The following IGFL2 variants were observed in gnomAD, a reference collection of about 807,000 sequenced individuals.
IGFL2 encodes IGF like family member 2.
In IGFL2, 7 loss-of-function variants were observed where a neutral mutation model predicts 13.9. That is an observed-to-expected ratio of 0.51 (90% CI 0.29 to 0.95). The LOEUF (loss-of-function observed/expected upper bound fraction) is 0.95, where lower values mean the gene tolerates loss of function less well. IGFL2 is among the 40% of genes least tolerant of loss of function. IGFL2 has a pLI of 0.08. For missense variants in IGFL2, 138 were observed against 147.8 expected, an observed-to-expected ratio of 0.93 and a Z score of 0.34; for synonymous variants, 55 against 55.8, an observed-to-expected ratio of 0.99 and a Z score of 0.07.
At chr19:46,176,738 C>T in the IGFL2 span, among the ~76,000 whole-genome samples, 710 of 152,292 alleles carry the variant, frequency 4.7e-3, 11 homozygotes, top group Admixed American at 0.029. Context: ...TCCCTGCCAC[C>T]CTGCAGCAGG....
chr19:46,121,908 C>A, the IGFL2 span, among the ~76,000 whole-genome samples: 1 of 150,788 alleles, frequency 6.6e-6, no homozygotes, highest in Non-Finnish European at 1.5e-5. Context: ...TTGCATATTT[C>A]TTTTTTAATG....
chr19:46,114,357 C>G, the IGFL2 span, among the ~76,000 whole-genome samples: 1 of 152,176 alleles, frequency 6.6e-6, no homozygotes, highest in African/African-American at 2.4e-5. Flanking sequence ...TACTCCTCTG[C>G]TGGTCTTTGA....
chr19:46,101,714 T>C, the IGFL2 span, among the ~76,000 whole-genome samples: 2 of 152,216 alleles, frequency 1.3e-5, no homozygotes, highest in African/African-American at 2.4e-5. Context: ...TGATGATGGC[T>C]GGCCCTCCTC....
chr19:46,102,383 C>T, the IGFL2 span, among the ~76,000 whole-genome samples: 6 of 152,152 alleles, frequency 3.9e-5, no homozygotes, highest in East Asian at 1.9e-4. Context: ...TTGCGGGCAG[C>T]GGGTGGATCT....
the IGFL2 span, among the ~76,000 whole-genome samples, chr19:46,118,495 T>C: frequency 2.0e-5 from 3 of 152,198 alleles, no homozygotes; most frequent in African/African-American, 7.2e-5. Context: ...CAGGCTTTTA[T>C]AATCTTGGCT....
At chr19:46,114,278 A>T in the IGFL2 span, among the ~76,000 whole-genome samples, 1 of 152,166 alleles carries the variant, frequency 6.6e-6, no homozygotes. Context: ...CAGCTTCCCC[A>T]TGCCAACAGC....
chr19:46,168,740 A>G, the IGFL2 span, among the ~76,000 whole-genome samples: 2 of 152,216 alleles, frequency 1.3e-5, no homozygotes, highest in East Asian at 1.9e-4. Context: ...ACTTGCATCC[A>G]TGATCCCAGG....
At chr19:46,136,882 T>G in the IGFL2 span, 1 of 770,730 alleles carries the variant, frequency 1.3e-6, no homozygotes, top group Non-Finnish European at 2.4e-6. Context: ...CTACTCTGTG[T>G]ATTGGTACTT....
chr19:46,177,484 A>C, the IGFL2 span, among the ~76,000 whole-genome samples: 9 of 152,306 alleles, frequency 5.9e-5, no homozygotes, highest in African/African-American at 2.2e-4. Context: ...ATATATATAT[A>C]CGCATTATAT....
upstream of IGFL2, among the ~76,000 whole-genome samples, chr19:46,142,784 C>T (rs971813136): frequency 1.3e-5 from 2 of 152,206 alleles, no homozygotes; most frequent in African/African-American, 4.8e-5. Context: ...ACTCTGCATC[C>T]TTTTGCGTGT....
At chr19:46,120,882 T>A in the IGFL2 span, among the ~76,000 whole-genome samples, 1 of 150,948 alleles carries the variant, frequency 6.6e-6, no homozygotes, top group African/African-American at 2.5e-5. Flanking sequence ...AGTTTAATTA[T>A]TCCACATTGA....
chr19:46,134,726 G>T, the IGFL2 span, among the ~76,000 whole-genome samples: 1 of 152,198 alleles, frequency 6.6e-6, no homozygotes, highest in South Asian at 2.1e-4. Flanking sequence ...AGGCAATAAG[G>T]TGAGTGATGG....
At chr19:46,203,665 C>A in the IGFL2 span, 1 of 152,414 alleles carries the variant, frequency 6.6e-6, no homozygotes. Flanking sequence ...TGGTGAGGCC[C>A]AGTCCTCTCC....
the IGFL2 span, among the ~76,000 whole-genome samples, chr19:46,102,484 G>A: frequency 1.3e-5 from 2 of 152,126 alleles, no homozygotes; most frequent in Non-Finnish European, 2.9e-5. Context: ...CTTAATGGTG[G>A]GGAGGGTGTA....
At chr19:46,099,010 AG>A in the IGFL2 span, among the ~76,000 whole-genome samples, 5 of 152,362 alleles carry the variant, frequency 3.3e-5, no homozygotes, top group South Asian at 1.0e-3. Flanking sequence ...CTTGCAAGGC[AG>A]GCCTGGTGGT....
chr19:46,162,807 G>C (rs568439193), downstream of IGFL2, among the ~76,000 whole-genome samples: 4 of 152,276 alleles, frequency 2.6e-5, no homozygotes, highest in East Asian at 7.7e-4. Context: ...ATTTCAGCTA[G>C]TTCAGCATGG....
At chr19:46,127,589 C>T in the IGFL2 span, among the ~76,000 whole-genome samples, 29 of 151,792 alleles carry the variant, frequency 1.9e-4, no homozygotes, top group Non-Finnish European at 3.2e-4. Context: ...TGTTCTTAAA[C>T]GGATGTATAG....
the IGFL2 span, among the ~76,000 whole-genome samples, chr19:46,098,620 A>G: frequency 4.6e-5 from 7 of 152,026 alleles, no homozygotes; most frequent in Admixed American, 3.3e-4. Context: ...CTGGGACTAC[A>G]GGTGCATGCC....
chr19:46,119,757 G>A, the IGFL2 span, among the ~76,000 whole-genome samples: 15 of 142,428 alleles, frequency 1.1e-4, no homozygotes, highest in Non-Finnish European at 1.7e-4. Context: ...TGCCTCACTC[G>A]CTCAGCCTGT....
Sources: gnomAD v4.1 joint callset for allele counts (sites outside exome capture counted in the v4.1 genomes callset) on GRCh38, gnomAD v4.1.1 for gene constraint, MANE v1.5 for transcripts, NCBI Gene and HGNC (gene_info 2026-07-23, HGNC 2026-07-21) for gene names.